The following SLIT3 variants were observed in gnomAD, a reference collection of about 807,000 sequenced individuals.
SLIT3 encodes slit homolog 3 protein.
In SLIT3, 68 loss-of-function variants were observed where a neutral mutation model predicts 184.0. That is an observed-to-expected ratio of 0.37 (90% CI 0.30 to 0.45). The LOEUF is 0.45. Among genes scored for constraint, SLIT3 ranks in the 20% least tolerant of loss-of-function variants. SLIT3 has a pLI of 1.00. For synonymous variants in SLIT3, 831 were observed against 828.6 expected, an observed-to-expected ratio of 1.00 and a Z score of -0.05; for missense variants, 1,707 against 2,026.0, an observed-to-expected ratio of 0.84 and a Z score of 3.02.
chr5:168,702,456 C>T (rs1189573199), intron 26 of SLIT3, among the ~76,000 whole-genome samples: 1 of 152,152 alleles, frequency 6.6e-6, no homozygotes, highest in African/African-American at 2.4e-5. Flanking sequence ...TGCAGGACCA[C>T]TTGGCTAGCC....
At chr5:169,012,116 G>T (rs1756180366) in intron 4 of SLIT3, 1 of 152,152 alleles carries the variant, frequency 6.6e-6, no homozygotes, top group Non-Finnish European at 1.5e-5. Flanking sequence ...GGGGGTACAG[G>T]AAAGGGCATC....
chr5:169,023,428 T>C (rs1230932571), intron 4 of SLIT3, among the ~76,000 whole-genome samples: 1 of 152,158 alleles, frequency 6.6e-6, no homozygotes. Flanking sequence ...AGACTAAAGC[T>C]CTGTCATCTG....
chr5:168,771,747 T>C (rs1297994366), intron 14 of SLIT3, among the ~76,000 whole-genome samples: 1 of 152,180 alleles, frequency 6.6e-6, no homozygotes, highest in African/African-American at 2.4e-5. Context: ...TCTGGAGACA[T>C]GGACTAAAGA....
chr5:168,886,416 T>C (rs1346405711), intron 4 of SLIT3, among the ~76,000 whole-genome samples: 2 of 152,136 alleles, frequency 1.3e-5, no homozygotes, highest in Non-Finnish European at 2.9e-5. Flanking sequence ...TGCCAGAGCA[T>C]GGAGCTATCA....
At chr5:169,236,537 C>T (rs1400176125) in intron 3 of SLIT3, among the ~76,000 whole-genome samples, 1 of 150,454 alleles carries the variant, frequency 6.6e-6, no homozygotes, top group East Asian at 1.9e-4. Flanking sequence ...GTGGTGTGAT[C>T]TTGGCTCACT....
At chr5:168,876,007 C>T (rs1759717605) in intron 5 of SLIT3, among the ~76,000 whole-genome samples, 1 of 152,228 alleles carries the variant, frequency 6.6e-6, no homozygotes, top group Non-Finnish European at 1.5e-5. Flanking sequence ...GGCCTTGCCT[C>T]GGATGAGCAG....
intron 14 of SLIT3, among the ~76,000 whole-genome samples, chr5:168,764,158 A>T (rs1165565076): frequency 6.6e-6 from 1 of 152,226 alleles, no homozygotes; most frequent in Non-Finnish European, 1.5e-5. Context: ...AGTGGTATGC[A>T]TGCTTGTGAC....
At chr5:168,844,530 C>A in intron 6 of SLIT3, 54 bp downstream of exon 6, 2 of 1,510,748 alleles carry the variant, frequency 1.3e-6, no homozygotes, top group African/African-American at 2.7e-5. Flanking sequence ...CAGACACACA[C>A]ACATACACAC....
intron 5 of SLIT3, among the ~76,000 whole-genome samples, chr5:168,870,822 G>C (rs1402119034): frequency 1.3e-5 from 2 of 152,132 alleles, no homozygotes; most frequent in Non-Finnish European, 2.9e-5. Context: ...CTATTTGTGG[G>C]CTCTTGAAGC....
intron 3 of SLIT3, among the ~76,000 whole-genome samples, chr5:169,227,366 C>G (rs1050478573): frequency 6.6e-6 from 1 of 152,164 alleles, no homozygotes; most frequent in Non-Finnish European, 1.5e-5. Context: ...CATGCGTTAT[C>G]TTAATTAGTC....
chr5:168,871,612 G>A (rs1303100073), intron 5 of SLIT3, among the ~76,000 whole-genome samples: 1 of 152,106 alleles, frequency 6.6e-6, no homozygotes, highest in Admixed American at 6.5e-5. Flanking sequence ...TAGTTAGGGA[G>A]GGTCATTTCA....
intron 4 of SLIT3, among the ~76,000 whole-genome samples, chr5:169,090,159 T>C (rs1749934065): frequency 6.6e-6 from 1 of 152,098 alleles, no homozygotes; most frequent in African/African-American, 2.4e-5. Flanking sequence ...CCCAGGGGCC[T>C]GTCTGGCAGG....
At chr5:169,201,466 T>C (rs1763901590) in intron 3 of SLIT3, among the ~76,000 whole-genome samples, 1 of 152,198 alleles carries the variant, frequency 6.6e-6, no homozygotes, top group Non-Finnish European at 1.5e-5. Flanking sequence ...GGCTTTGCAA[T>C]GTTTCTCAAG....
chr5:168,928,921 C>A (rs1269474952), intron 4 of SLIT3, among the ~76,000 whole-genome samples: 1 of 152,206 alleles, frequency 6.6e-6, no homozygotes, highest in East Asian at 1.9e-4. Flanking sequence ...CTGCCTCTGC[C>A]TCTTGGCGTA....
At chr5:169,199,656 T>C (rs1334266470) in intron 3 of SLIT3, among the ~76,000 whole-genome samples, 2 of 152,190 alleles carry the variant, frequency 1.3e-5, no homozygotes, top group Non-Finnish European at 2.9e-5. Flanking sequence ...TAGGAAATAC[T>C]GGCCTAAGAA....
chr5:168,883,340 A>T lies in SLIT3; in HGVS notation c.414-4T>A. 1 of 1,612,434 alleles carries T rather than the reference A, an allele frequency of 6.2e-7. No homozygotes were observed. The highest frequency in any genetic ancestry group is 8.5e-7 in the Non-Finnish European group (1 of 1,178,524). On this transcript the variant is annotated splice_polypyrimidine_tract_variant and splice_region_variant and intron_variant, in intron 4 of 35. Transcript: ENST00000519560. The stretch of plus-strand genomic sequence containing the variant: ...GATCTGGTTTTCACTCAAATCTCTA[A>T]ACAAGAAGAGAAGAGGCACACTGCA...
intron 14 of SLIT3, among the ~76,000 whole-genome samples, chr5:168,766,321 C>G (rs550926856): frequency 6.6e-6 from 1 of 152,144 alleles, no homozygotes; most frequent in African/African-American, 2.4e-5. Context: ...TTGGGGGGAG[C>G]GTAAGTCCTG....
Position 168,806,669 on chromosome 5 carries a change from G to A in SLIT3, c.794-82C>T, listed in dbSNP as rs1335868577. ...TCTGTGTCCTTAACCAGCATCCTAA[G>A]GGCAAAGCATGACCTGACAGCCATC... On this transcript the variant is annotated intron_variant, in intron 8 of 35. Transcript: ENST00000519560. 6 of 1,529,352 alleles carry A rather than the reference G, an allele frequency of 3.9e-6. No homozygotes were observed. In the East Asian group the frequency reaches 6.8e-5, roughly 17 times the overall value. 94.7% of individuals were successfully genotyped at this position (1,529,352 alleles called of 1,614,324 possible).
intron 5 of SLIT3, among the ~76,000 whole-genome samples, chr5:168,864,042 CAAAAAAAA>C (rs34983916): frequency 4.1e-5 from 4 of 98,136 alleles, no homozygotes; most frequent in African/African-American, 1.5e-4. Flanking sequence ...TAAAAAAATA[CAAAAAAAA>C]AAAAAAAAAA....
Sources: gnomAD v4.1 joint callset for allele counts (sites outside exome capture counted in the v4.1 genomes callset) on GRCh38, gnomAD v4.1.1 for gene constraint, MANE v1.5 for transcripts, NCBI Gene and HGNC (gene_info 2026-07-23, HGNC 2026-07-21) for gene names.